The following SNX8 variants were observed in gnomAD, a reference collection of about 807,000 sequenced individuals.
The protein encoded by SNX8 is sorting nexin-8.
In SNX8, 25 loss-of-function variants were observed where a neutral mutation model predicts 51.6. The observed-to-expected ratio is 0.48, with a 90% CI of 0.35 to 0.68. The LOEUF (loss-of-function observed/expected upper bound fraction) is 0.68. Ranked by LOEUF, SNX8 falls within the 30% of genes least tolerant of loss-of-function variation. The pLI is 0.00. For synonymous variants in SNX8, 324 were observed against 277.0 expected (o/e 1.17, Z -1.68); for missense variants, 695 against 624.0 (o/e 1.11, Z -1.21).
At chr7:2,269,979 A>G (rs555563017) in intron 4 of SNX8, among the ~76,000 whole-genome samples, 1 of 152,166 alleles carries the variant, frequency 6.6e-6, no homozygotes, top group Non-Finnish European at 1.5e-5. Flanking sequence ...CCCTCCATCC[A>G]CAGACCCGGG....
chr7:2,311,793 C>G (rs539795581), intron 1 of SNX8, among the ~76,000 whole-genome samples: 1 of 151,850 alleles, frequency 6.6e-6, no homozygotes, highest in Non-Finnish European at 1.5e-5. Context: ...AAAAATTAGC[C>G]GGGCGTGGTG....
chr7:2,274,003 G>A (rs933750854), intron 3 of SNX8, among the ~76,000 whole-genome samples: 9 of 152,242 alleles, frequency 5.9e-5, no homozygotes, highest in Admixed American at 2.6e-4. Context: ...CTTCCGATGA[G>A]GCTGCACTTC....
chr7:2,295,392 T>A, intron 1 of SNX8, among the ~76,000 whole-genome samples: 1 of 128,740 alleles, frequency 7.8e-6, no homozygotes, highest in Middle Eastern at 4.5e-3. Flanking sequence ...AACAGAGGGA[T>A]ACTCCATCTC....
intron 5 of SNX8, 121 bp downstream of exon 5, chr7:2,269,438 T>C: frequency 6.3e-6 from 3 of 479,498 alleles, no homozygotes; most frequent in Admixed American, 3.8e-5. Flanking sequence ...GTTTATCTGC[T>C]GACCTTCCCT....
chr7:2,280,752 A>AGCT (rs1217507782), intron 1 of SNX8, among the ~76,000 whole-genome samples: 1 of 151,820 alleles, frequency 6.6e-6, no homozygotes, highest in Non-Finnish European at 1.5e-5. Flanking sequence ...ATCATTAGAA[A>AGCT]GCTATGCTTT....
intron 1 of SNX8, among the ~76,000 whole-genome samples, chr7:2,311,536 T>C (rs1002095429): frequency 2.6e-5 from 4 of 152,068 alleles, no homozygotes; most frequent in Non-Finnish European, 5.9e-5. Context: ...AGGCTGAGGT[T>C]TTCTCACTCC....
chr7:2,266,462 T>C (rs1213245991), intron 5 of SNX8, among the ~76,000 whole-genome samples: 1 of 152,172 alleles, frequency 6.6e-6, no homozygotes, highest in Non-Finnish European at 1.5e-5. Flanking sequence ...TTCTCCTGCC[T>C]CAGCCTCCTG....
intron 5 of SNX8, among the ~76,000 whole-genome samples, chr7:2,265,696 G>T (rs1795446674): frequency 6.6e-6 from 1 of 152,066 alleles, no homozygotes; most frequent in Non-Finnish European, 1.5e-5. Context: ...ATAAATTCCT[G>T]AAAGACTCTC....
At chr7:2,268,583 G>A (rs1220094019) in intron 5 of SNX8, among the ~76,000 whole-genome samples, 3 of 142,442 alleles carry the variant, frequency 2.1e-5, no homozygotes, top group Non-Finnish European at 3.1e-5. Flanking sequence ...CAGCCGCCCT[G>A]TCCGGGAGGG....
rs1240228982 is a variant in SNX8 at position 2,253,512 on chromosome 7, G to T, written c.*1544C>A. 6.6e-6 allele frequency: 1 copy of T among 152,226 alleles called. No homozygotes were observed. Among genetic ancestry groups the T allele is most frequent in the African/African-American group, 2.4e-5 (1 of 41,434 alleles). The allele number at this position is 152,226 out of a possible 1,614,324, so 9.4% of individuals were successfully genotyped here. The stretch of plus-strand genomic sequence containing the variant: ...CAGCCCAAGACTCGGGTGGACTAGG[G>T]ACTCACGGGACAGCCCACCCATCGG... On this transcript the variant is annotated 3_prime_UTR_variant, in exon 11 of 11. Coordinates refer to ENST00000222990, the MANE Select transcript of SNX8 (RefSeq NM_013321.4).
intron 5 of SNX8, among the ~76,000 whole-genome samples, chr7:2,268,010 T>C (rs1459089563): frequency 1.3e-5 from 2 of 148,694 alleles, no homozygotes; most frequent in Admixed American, 6.7e-5. Context: ...CGAGACCCCG[T>C]CTGGGAGGTG....
chr7:2,339,511 A>G (rs1778885776), intron 1 of SNX8, among the ~76,000 whole-genome samples: 1 of 152,138 alleles, frequency 6.6e-6, no homozygotes, highest in African/African-American at 2.4e-5. Context: ...AAAAGACTTA[A>G]AAGAAGATCT....
chr7:2,275,718 G>T lies in SNX8; in HGVS notation c.301-489C>A, dbSNP rs1202963600. 3.9e-5 allele frequency among the ~76,000 whole-genome samples: 6 copies of T among 152,078 alleles called. No individual in the cohort carries two copies. In the East Asian group the frequency reaches 5.8e-4, roughly 15 times the overall value. ...CCTTGTCTTAAAAAAATTAAAAAAGGCCGGGCGCGGTGGCTCACGCCTGCA... is the reference window on the plus strand; with the variant it reads ...CCTTGTCTTAAAAAAATTAAAAAAGTCCGGGCGCGGTGGCTCACGCCTGCA... On this transcript the variant is annotated intron_variant, in intron 2 of 10. Coordinates refer to ENST00000222990, the MANE Select transcript of SNX8 (RefSeq NM_013321.4).
chr7:2,324,878 T>TC (rs1423100828), intron 1 of SNX8, among the ~76,000 whole-genome samples: 1 of 151,958 alleles, frequency 6.6e-6, no homozygotes, highest in Non-Finnish European at 1.5e-5. Flanking sequence ...GGATCATGGC[T>TC]CACTGCAGCC....
chr7:2,329,808 T>C (rs1778696666), intron 1 of SNX8, among the ~76,000 whole-genome samples: 1 of 149,658 alleles, frequency 6.7e-6, no homozygotes, highest in Admixed American at 6.8e-5. Flanking sequence ...AGTCAGCTCT[T>C]CATCCATATT....
At chr7:2,265,324 A>G (rs1795439175) in intron 5 of SNX8, among the ~76,000 whole-genome samples, 1 of 151,506 alleles carries the variant, frequency 6.6e-6, no homozygotes, top group African/African-American at 2.4e-5. Flanking sequence ...TGGGCAACAG[A>G]GCGAGACTCC....
At chr7:2,255,849 G>A (rs148285559) in intron 10 of SNX8, among the ~76,000 whole-genome samples, 12 of 152,348 alleles carry the variant, frequency 7.9e-5, no homozygotes, top group Non-Finnish European at 1.0e-4. Flanking sequence ...GAGGAGGGGA[G>A]CGCGGCAGTG....
At chr7:2,347,037 A>T (rs1357703043) in intron 1 of SNX8, among the ~76,000 whole-genome samples, 1 of 152,112 alleles carries the variant, frequency 6.6e-6, no homozygotes, top group Non-Finnish European at 1.5e-5. Context: ...CAGAAAGTCA[A>T]ATAAGTCTTT....
intron 1 of SNX8, among the ~76,000 whole-genome samples, chr7:2,327,434 G>A (rs561212003): frequency 1.3e-5 from 2 of 150,840 alleles, no homozygotes; most frequent in East Asian, 3.9e-4. Flanking sequence ...TGGAAACGGA[G>A]TCTCGCTCTG....
Sources: gnomAD v4.1 joint callset for allele counts (sites outside exome capture counted in the v4.1 genomes callset) on GRCh38, gnomAD v4.1.1 for gene constraint, MANE v1.5 for transcripts, NCBI Gene and HGNC (gene_info 2026-07-23, HGNC 2026-07-21) for gene names.